Variants in FSTL4 observed in about 807,000 individuals in gnomAD.
FSTL4 encodes the protein follistatin-related protein 4.
In FSTL4, 28 loss-of-function variants were observed where a neutral mutation model predicts 78.2. That is an observed-to-expected ratio of 0.36 (90% CI 0.27 to 0.49). The LOEUF (loss-of-function observed/expected upper bound fraction) is 0.49, where lower values mean the gene tolerates loss of function less well. Ranked by LOEUF, FSTL4 falls within the 20% of genes least tolerant of loss-of-function variation. The pLI, the probability that FSTL4 is intolerant of heterozygous loss-of-function variation, is 0.98. For missense variants in FSTL4, 922 were observed against 1,084.9 expected, an observed-to-expected ratio of 0.85 and a Z score of 2.11; for synonymous variants, 422 against 440.5, an observed-to-expected ratio of 0.96 and a Z score of 0.53.
At chr5:133,746,190 T>C in the FSTL4 span, among the ~76,000 whole-genome samples, 1 of 152,328 alleles carries the variant, frequency 6.6e-6, no homozygotes, top group South Asian at 2.1e-4. Context: ...CTTGTCACCA[T>C]GTTTCAAAAG....
chr5:133,752,624 A>AAATTAAATT, the FSTL4 span, among the ~76,000 whole-genome samples: 3 of 147,728 alleles, frequency 2.0e-5, no homozygotes, highest in Admixed American at 6.7e-5. Context: ...AAAATAAAAT[A>AAATTAAATT]AAATTAAATT....
At chr5:133,268,439 GTGT>G (rs778644440) in intron 6 of FSTL4, among the ~76,000 whole-genome samples, 14 of 152,176 alleles carry the variant, frequency 9.2e-5, no homozygotes, top group South Asian at 4.2e-4. Context: ...CCCTACATGG[GTGT>G]TGTTTGAAAG....
At chr5:133,743,815 G>A in the FSTL4 span, among the ~76,000 whole-genome samples, 1 of 152,142 alleles carries the variant, frequency 6.6e-6, no homozygotes, top group South Asian at 2.1e-4. Context: ...TTTCCATTTG[G>A]TTCCCATACC....
intron 3 of FSTL4, among the ~76,000 whole-genome samples, chr5:133,464,615 TC>T (rs999443823): frequency 2.0e-4 from 30 of 151,672 alleles, no homozygotes; most frequent in African/African-American, 7.3e-4. Flanking sequence ...ACTCCTACCT[TC>T]CCCCCATGGA....
chr5:133,803,114 T>A, the FSTL4 span, among the ~76,000 whole-genome samples: 58 of 152,228 alleles, frequency 3.8e-4, no homozygotes, highest in African/African-American at 1.4e-3. Flanking sequence ...AGAAAGACCA[T>A]CATTTGTGTT....
At chr5:133,446,497 C>T (rs1757268341) in intron 3 of FSTL4, among the ~76,000 whole-genome samples, 1 of 152,200 alleles carries the variant, frequency 6.6e-6, no homozygotes, top group Admixed American at 6.5e-5. Context: ...CTGTTCCACA[C>T]TGTGGGGCTC....
At chr5:133,819,277 A>G in the FSTL4 span, among the ~76,000 whole-genome samples, 1 of 151,962 alleles carries the variant, frequency 6.6e-6, no homozygotes, top group African/African-American at 2.4e-5. Context: ...GGACAGGAAC[A>G]GCTTTTGGGT....
chr5:133,684,377 T>C, the FSTL4 span, among the ~76,000 whole-genome samples: 7 of 152,238 alleles, frequency 4.6e-5, no homozygotes, highest in Non-Finnish European at 8.8e-5. Flanking sequence ...CACTTATTGG[T>C]TGCATGCCTC....
intron 4 of FSTL4, among the ~76,000 whole-genome samples, chr5:133,371,225 C>T (rs1755291012): frequency 6.6e-6 from 1 of 152,236 alleles, no homozygotes; most frequent in Non-Finnish European, 1.5e-5. Context: ...GCCACACAAC[C>T]TACAAAGGGT....
the FSTL4 span, among the ~76,000 whole-genome samples, chr5:133,798,950 A>AAGGGAGGGAGGGAGGGAGGGAGGGAGGG: frequency 2.5e-5 from 2 of 81,608 alleles, no homozygotes; most frequent in African/African-American, 7.6e-5. Context: ...GAGGATAAGG[A>AAGGGAGGGAGGGAGGGAGGGAGGGAGGG]AGGGAGGGAG....
chr5:133,474,620 A>G (rs1169329512), intron 3 of FSTL4, among the ~76,000 whole-genome samples: 1 of 152,230 alleles, frequency 6.6e-6, no homozygotes, highest in East Asian at 1.9e-4. Context: ...CTTGTGAGGA[A>G]GAGCCTTCAT....
At chr5:133,581,568 G>A (rs1012966158) in intron 2 of FSTL4, among the ~76,000 whole-genome samples, 1 of 152,244 alleles carries the variant, frequency 6.6e-6, no homozygotes, top group Non-Finnish European at 1.5e-5. Context: ...AAGGCACAGG[G>A]AAGCTTTGTC....
the FSTL4 span, among the ~76,000 whole-genome samples, chr5:133,645,997 G>A: frequency 3.3e-5 from 5 of 152,280 alleles, no homozygotes; most frequent in African/African-American, 1.2e-4. Context: ...GGCAAGCCCA[G>A]GAGATGAATA....
rs764201099 is a variant in FSTL4, at chr5:133,249,537, C to T, written c.767G>A (p.Ser256Asn). 1 of 1,613,364 alleles carries T rather than the reference C, an allele frequency of 6.2e-7. No homozygotes were observed. The highest frequency in any genetic ancestry group is 8.5e-7 in the Non-Finnish European group (1 of 1,179,502). Residue 256 changes from serine to asparagine, a missense_variant, in exon 7 of 16, where the codon AGT becomes AAT. Physicochemically the swap from Ser to Asn is conservative, Grantham distance 46 (BLOSUM62 1). Transcript: ENST00000265342. ...CAGCCCCACGGTCACTGTGGTCACA[C>T]TGACCCTGTCCTCGGGGGCGAGGCT... ...QLSLAPEDRV[S>N]VTTVTVGLST...
chr5:133,721,102 T>A, the FSTL4 span, among the ~76,000 whole-genome samples: 12 of 152,222 alleles, frequency 7.9e-5, no homozygotes, highest in Non-Finnish European at 1.6e-4. Flanking sequence ...TCTTTTTATG[T>A]GTTTGTTAGC....
At chr5:133,835,470 G>A in the FSTL4 span, among the ~76,000 whole-genome samples, 1 of 152,284 alleles carries the variant, frequency 6.6e-6, no homozygotes, top group East Asian at 1.9e-4. Context: ...CCTGAAATTT[G>A]TTCAGGTAGT....
intron 3 of FSTL4, among the ~76,000 whole-genome samples, chr5:133,492,511 T>C (rs1758287420): frequency 1.3e-5 from 2 of 152,320 alleles, no homozygotes; most frequent in South Asian, 2.1e-4. Context: ...TTTTACCTCA[T>C]TGTTTAGAAG....
chr5:133,610,413 C>G (rs761011456), intron 1 of FSTL4, among the ~76,000 whole-genome samples: 1 of 152,208 alleles, frequency 6.6e-6, no homozygotes, highest in Non-Finnish European at 1.5e-5. Flanking sequence ...TGAACTTTGG[C>G]TCAGTCTGAA....
the FSTL4 span, among the ~76,000 whole-genome samples, chr5:133,794,248 C>T: frequency 2.0e-5 from 3 of 152,232 alleles, no homozygotes; most frequent in Non-Finnish European, 4.4e-5. Context: ...TGCTTTGGGT[C>T]AGAAATGCCA....
Sources: allele counts gnomAD v4.1 joint callset (sites outside exome capture counted in the v4.1 genomes callset), GRCh38; gene constraint gnomAD v4.1.1; transcripts MANE v1.5; gene names NCBI Gene and HGNC (gene_info 2026-07-23, HGNC 2026-07-21).